The following ANXA8 variants were observed in gnomAD, a reference collection of about 807,000 sequenced individuals.
ANXA8 encodes VAC-beta.
Under a neutral mutation model 26.8 loss-of-function variants are expected in ANXA8, and 9 were observed. The observed-to-expected ratio is 0.34, with a 90% confidence interval of 0.20 to 0.59. ANXA8 has a LOEUF of 0.59. Among genes scored for constraint, ANXA8 ranks in the 20% least tolerant of loss-of-function variants. The pLI is 0.84. For missense variants in ANXA8, 83 were observed against 238.5 expected (o/e 0.35, Z 4.29); for synonymous variants, 39 against 94.8 (o/e 0.41, Z 3.42).
At chr10:47,483,017 G>A (rs1460326491) in intron 1 of ANXA8, among the ~76,000 whole-genome samples, 2 of 148,216 alleles carry the variant, frequency 1.3e-5, no homozygotes, top group South Asian at 2.2e-4. Flanking sequence ...CTGCCTGGGA[G>A]GAAAGGAAAA....
the ANXA8 span, among the ~76,000 whole-genome samples, chr10:47,959,132 C>T: frequency 5.1e-4 from 74 of 146,150 alleles, no homozygotes; most frequent in Non-Finnish European, 3.7e-4. Context: ...GCCTTGGAGG[C>T]CCAGAGGGTA....
At chr10:47,585,095 A>C in the ANXA8 span, among the ~76,000 whole-genome samples, 5 of 144,892 alleles carry the variant, frequency 3.5e-5, no homozygotes, top group Non-Finnish European at 7.4e-5. Flanking sequence ...CTCAAAAAAA[A>C]TAAAATAAAT....
the ANXA8 span, among the ~76,000 whole-genome samples, chr10:47,587,466 G>A: frequency 3.1e-4 from 45 of 146,334 alleles, 1 homozygote; most frequent in Non-Finnish European, 5.0e-4. Flanking sequence ...CCTGCATTGA[G>A]AACTCATACT....
At chr10:47,738,903 A>G in the ANXA8 span, among the ~76,000 whole-genome samples, 1 of 151,074 alleles carries the variant, frequency 6.6e-6, no homozygotes, top group Non-Finnish European at 1.5e-5. Context: ...ATTGATTTCA[A>G]CTATGCTCTG....
At chr10:47,660,934 G>A in the ANXA8 span, among the ~76,000 whole-genome samples, 2 of 151,622 alleles carry the variant, frequency 1.3e-5, no homozygotes, top group Non-Finnish European at 2.9e-5. Context: ...TGCTGATCTT[G>A]TTTATTAGAA....
chr10:47,608,051 T>C, the ANXA8 span, among the ~76,000 whole-genome samples: 1 of 148,876 alleles, frequency 6.7e-6, no homozygotes, highest in African/African-American at 2.6e-5. Flanking sequence ...AGAAGGTCTT[T>C]CTCATACACT....
At chr10:47,733,543 A>T in the ANXA8 span, among the ~76,000 whole-genome samples, 1 of 125,026 alleles carries the variant, frequency 8.0e-6, no homozygotes, top group South Asian at 2.7e-4. Flanking sequence ...TGCCTTTCTT[A>T]GAAGAAAATA....
the ANXA8 span, among the ~76,000 whole-genome samples, chr10:47,930,638 A>G: frequency 6.6e-6 from 1 of 152,294 alleles, no homozygotes; most frequent in Non-Finnish European, 1.5e-5. Context: ...CCACTCCCTC[A>G]TTAGAACATG....
At chr10:47,710,239 A>C in the ANXA8 span, 1 of 1,519,074 alleles carries the variant, frequency 6.6e-7, no homozygotes, top group Non-Finnish European at 8.8e-7. Flanking sequence ...GTAGTTAGTG[A>C]CGTTGTACTT....
At chr10:47,581,672 T>G in the ANXA8 span, 1 of 341,874 alleles carries the variant, frequency 2.9e-6, no homozygotes, top group East Asian at 7.8e-5. Context: ...AGTGGCACGA[T>G]CTCAGCTCAC....
At chr10:47,469,780 T>A (rs1230421926) in intron 11 of ANXA8, among the ~76,000 whole-genome samples, 27 of 151,414 alleles carry the variant, frequency 1.8e-4, no homozygotes, top group Non-Finnish European at 2.4e-4. Flanking sequence ...CTGGACCAGT[T>A]TAGGTCTCAT....
At chr10:47,681,418 G>A in the ANXA8 span, among the ~76,000 whole-genome samples, 1 of 150,480 alleles carries the variant, frequency 6.6e-6, no homozygotes, top group Non-Finnish European at 1.5e-5. Context: ...TTTTGTGGGA[G>A]GTGGGTGGAG....
the ANXA8 span, among the ~76,000 whole-genome samples, chr10:47,664,238 C>T: frequency 2.0e-5 from 3 of 151,584 alleles, no homozygotes; most frequent in African/African-American, 4.9e-5. Context: ...ATGAGCCGGG[C>T]GTGGTGGCGG....
At chr10:47,710,154 A>C in the ANXA8 span, 1 of 750,732 alleles carries the variant, frequency 1.3e-6, no homozygotes, top group African/African-American at 2.0e-5. Context: ...AGTTCTAAAA[A>C]ATATTATTTG....
At chr10:47,564,828 T>G in the ANXA8 span, 1 of 934,026 alleles carries the variant, frequency 1.1e-6, no homozygotes, top group Non-Finnish European at 1.7e-6. Context: ...ATAAGCTACG[T>G]CCTCTATGCC....
chr10:47,668,001 G>T, the ANXA8 span, among the ~76,000 whole-genome samples: 1 of 151,982 alleles, frequency 6.6e-6, no homozygotes, highest in Non-Finnish European at 1.5e-5. Context: ...GCCTCCCAAA[G>T]TGCTGGGATT....
chr10:47,952,432 CA>C, the ANXA8 span, among the ~76,000 whole-genome samples: 1 of 150,396 alleles, frequency 6.6e-6, no homozygotes, highest in South Asian at 2.1e-4. Context: ...ATACAATGGT[CA>C]GTAAACAAAA....
chr10:47,669,104 C>T, the ANXA8 span, among the ~76,000 whole-genome samples: 2 of 151,800 alleles, frequency 1.3e-5, no homozygotes, highest in African/African-American at 2.4e-5. Context: ...TGTTTCCCTG[C>T]TCTGAAATCC....
At chr10:47,748,432 C>CA in the ANXA8 span, among the ~76,000 whole-genome samples, 2 of 151,734 alleles carry the variant, frequency 1.3e-5, no homozygotes, top group Admixed American at 6.6e-5. Flanking sequence ...AGGTTGGTCT[C>CA]AAACTTCTGA....
Sources: gnomAD v4.1 joint callset for allele counts (sites outside exome capture counted in the v4.1 genomes callset) on GRCh38, gnomAD v4.1.1 for gene constraint, MANE v1.5 for transcripts, NCBI Gene and HGNC (gene_info 2026-07-23, HGNC 2026-07-21) for gene names.